HS6ST3: variants seen among roughly 807,000 people sequenced by gnomAD.
HS6ST3 encodes heparan-sulfate 6-O-sulfotransferase 3.
HS6ST3 carries 12 observed loss-of-function variants against 36.7 expected under a neutral mutation model. The observed-to-expected ratio is 0.33, with a 90% CI of 0.21 to 0.53. The LOEUF (loss-of-function observed/expected upper bound fraction) is 0.53. Among genes scored for constraint, HS6ST3 ranks in the 20% least tolerant of loss-of-function variants. The probability of loss-of-function intolerance (pLI) is 0.95; values close to 1 mark genes in which losing one functional copy is unlikely to be tolerated. For missense variants in HS6ST3, 584 were observed against 640.9 expected (o/e 0.91, Z 0.96); for synonymous variants, 240 against 257.5 (o/e 0.93, Z 0.65).
chr13:96,334,509 C>T (rs904771903), intron 1 of HS6ST3, among the ~76,000 whole-genome samples: 3 of 152,188 alleles, frequency 2.0e-5, no homozygotes, highest in East Asian at 3.8e-4. Flanking sequence ...TAAAGACCTA[C>T]CTGAGACTAG....
At chr13:96,138,369 A>T (rs907362654) in intron 1 of HS6ST3, among the ~76,000 whole-genome samples, 1 of 150,244 alleles carries the variant, frequency 6.7e-6, no homozygotes, top group Non-Finnish European at 1.5e-5. Context: ...TTGATATATA[A>T]CATATATAAA....
At position 96,246,605 on chromosome 13, in the gene HS6ST3, A is replaced by G. The variant is rs117664584; in HGVS notation, c.707+155036A>G. On this transcript the variant is annotated intron_variant, in intron 1 of 1. Transcript: ENST00000376705. Reference sequence around the variant, plus strand: ...ACTTGATTGAAATATTTGCCAGAGAAACTGCCCTGGTAGCTTCTCTAAATT... The same window carrying G: ...ACTTGATTGAAATATTTGCCAGAGAGACTGCCCTGGTAGCTTCTCTAAATT... Among the ~76,000 whole-genome samples, 70 of 152,284 alleles carry G rather than the reference A, an allele frequency of 4.6e-4. 1 individual carries two copies. The East Asian group carries it at 0.01, about 22-fold the overall frequency.
At chr13:96,317,982 A>C (rs2054984434) in intron 1 of HS6ST3, among the ~76,000 whole-genome samples, 1 of 151,794 alleles carries the variant, frequency 6.6e-6, no homozygotes, top group East Asian at 1.9e-4. Flanking sequence ...GTTTGTGAAT[A>C]TTTTCTCTCA....
At chr13:96,334,149 G>T (rs566264108) in intron 1 of HS6ST3, among the ~76,000 whole-genome samples, 7 of 152,166 alleles carry the variant, frequency 4.6e-5, no homozygotes, top group African/African-American at 1.2e-4. Flanking sequence ...CTGGGTAAAG[G>T]CTGCTTACAA....
chr13:96,755,027 A>G (rs1248762142), intron 1 of HS6ST3, among the ~76,000 whole-genome samples: 1 of 151,964 alleles, frequency 6.6e-6, no homozygotes. Context: ...TAATGTTAGG[A>G]CTGTGAGATG....
intron 1 of HS6ST3, among the ~76,000 whole-genome samples, chr13:96,646,395 G>T (rs1254999570): frequency 6.6e-6 from 1 of 151,980 alleles, no homozygotes; most frequent in African/African-American, 2.4e-5. Flanking sequence ...CAAGGTCACT[G>T]AATACATTGA....
intron 1 of HS6ST3, among the ~76,000 whole-genome samples, chr13:96,198,004 C>G (rs1046630452): frequency 1.3e-5 from 2 of 152,206 alleles, no homozygotes; most frequent in East Asian, 3.9e-4. Flanking sequence ...AGACTTTTGC[C>G]TGGGCATCCA....
intron 1 of HS6ST3, among the ~76,000 whole-genome samples, chr13:96,109,738 AG>A (rs1490598559): frequency 6.6e-6 from 1 of 152,152 alleles, no homozygotes; most frequent in Non-Finnish European, 1.5e-5. Flanking sequence ...CTGGGATAGG[AG>A]GGTGCAGATG....
chr13:96,185,298 T>C (rs921483237), intron 1 of HS6ST3, among the ~76,000 whole-genome samples: 7 of 152,260 alleles, frequency 4.6e-5, no homozygotes, highest in African/African-American at 1.7e-4. Context: ...ATAAAGACTT[T>C]GTTTTTCTCC....
chr13:96,561,654 T>C (rs2056262724), intron 1 of HS6ST3, among the ~76,000 whole-genome samples: 1 of 151,898 alleles, frequency 6.6e-6, no homozygotes, highest in Non-Finnish European at 1.5e-5. Flanking sequence ...AAGTCTAATA[T>C]TCAAAAACTA....
intron 1 of HS6ST3, among the ~76,000 whole-genome samples, chr13:96,575,526 T>A (rs1409579950): frequency 6.6e-6 from 1 of 152,194 alleles, no homozygotes; most frequent in Non-Finnish European, 1.5e-5. Context: ...AGTCCTTTTT[T>A]CTAGTTTGCC....
intron 1 of HS6ST3, among the ~76,000 whole-genome samples, chr13:96,741,654 C>T (rs1461676090): frequency 6.6e-6 from 1 of 152,164 alleles, no homozygotes; most frequent in African/African-American, 2.4e-5. Flanking sequence ...TCCCCACTGA[C>T]TGACAAGCTT....
intron 1 of HS6ST3, among the ~76,000 whole-genome samples, chr13:96,354,305 T>C (rs951255008): frequency 6.6e-6 from 1 of 152,172 alleles, no homozygotes; most frequent in African/African-American, 2.4e-5. Context: ...TTAACAATAA[T>C]GTCAACAAAG....
At chr13:96,584,671 TC>T (rs1420024203) in intron 1 of HS6ST3, among the ~76,000 whole-genome samples, 1 of 152,194 alleles carries the variant, frequency 6.6e-6, no homozygotes, top group Admixed American at 6.5e-5. Flanking sequence ...TTATCCCTGG[TC>T]TTTTGTCTTT....
At chr13:96,118,444 T>C (rs957798212) in intron 1 of HS6ST3, among the ~76,000 whole-genome samples, 2 of 151,868 alleles carry the variant, frequency 1.3e-5, no homozygotes, top group African/African-American at 4.8e-5. Context: ...TTTCTGTTGC[T>C]TAAGCTACCA....
intron 1 of HS6ST3, among the ~76,000 whole-genome samples, chr13:96,512,071 T>A (rs1247778274): frequency 6.6e-6 from 1 of 152,202 alleles, no homozygotes; most frequent in Non-Finnish European, 1.5e-5. Flanking sequence ...GAAAGACATA[T>A]AATTATATAT....
At chr13:96,171,636 A>G (rs1014332969) in intron 1 of HS6ST3, among the ~76,000 whole-genome samples, 7 of 152,224 alleles carry the variant, frequency 4.6e-5, no homozygotes, top group African/African-American at 1.7e-4. Context: ...AGAGGTTCTC[A>G]GAATTCATCA....
intron 1 of HS6ST3, among the ~76,000 whole-genome samples, chr13:96,379,891 T>C (rs2139445526): frequency 6.6e-6 from 1 of 152,196 alleles, no homozygotes; most frequent in South Asian, 2.1e-4. Flanking sequence ...GCCTAGTGCT[T>C]AGATGAGCAC....
chr13:96,316,974 A>G (rs1057069201), intron 1 of HS6ST3, among the ~76,000 whole-genome samples: 2 of 152,252 alleles, frequency 1.3e-5, no homozygotes, highest in African/African-American at 4.8e-5. Context: ...TTATATAAAA[A>G]TAAGACTTTT....
Sources: gnomAD v4.1 joint callset for allele counts (sites outside exome capture counted in the v4.1 genomes callset) on GRCh38, gnomAD v4.1.1 for gene constraint, MANE v1.5 for transcripts, NCBI Gene and HGNC (gene_info 2026-07-23, HGNC 2026-07-21) for gene names.